Variants in HYDIN observed in about 807,000 individuals in gnomAD.
The protein encoded by HYDIN is HYDIN axonemal central pair apparatus protein.
Under a neutral mutation model 403.9 loss-of-function variants are expected in HYDIN, and 132 were observed. The observed-to-expected ratio is 0.33, with a 90% CI of 0.28 to 0.38. The LOEUF is 0.38. Ranked by LOEUF, HYDIN falls within the 10% of genes least tolerant of loss-of-function variation. The probability of loss-of-function intolerance (pLI) is 1.00; values close to 1 mark genes in which losing one functional copy is unlikely to be tolerated. For missense variants in HYDIN, 2,827 were observed against 5,009.5 expected (o/e 0.56, Z 13.15); for synonymous variants, 1,202 against 1,891.7 (o/e 0.64, Z 9.46).
At chr16:70,944,016 C>T in intron 41 of HYDIN, 67 bp from the exon 42 acceptor site, 1 of 1,180,176 alleles carries the variant, frequency 8.5e-7, no homozygotes, top group Non-Finnish European at 1.2e-6. Context: ...CTACACTTAC[C>T]AGCCACAGGA....
intron 1 of HYDIN, among the ~76,000 whole-genome samples, chr16:71,210,633 C>A (rs765923831): frequency 6.6e-6 from 1 of 151,974 alleles, no homozygotes; most frequent in Non-Finnish European, 1.5e-5. Context: ...TAACAAGCCA[C>A]ACATGTACCC....
intron 18 of HYDIN, among the ~76,000 whole-genome samples, chr16:71,033,571 C>G (rs1179737148): frequency 6.6e-6 from 1 of 150,488 alleles, no homozygotes; most frequent in Non-Finnish European, 1.5e-5. Context: ...TAAGTGGGAG[C>G]TGAACAATGA....
intron 5 of HYDIN, among the ~76,000 whole-genome samples, chr16:71,171,997 T>G (rs906410484): frequency 6.6e-5 from 10 of 152,208 alleles, no homozygotes; most frequent in South Asian, 2.1e-4. Flanking sequence ...AACAAAATCC[T>G]GATCATTATT....
intron 18 of HYDIN, among the ~76,000 whole-genome samples, chr16:71,056,486 G>A (rs1196111158): frequency 6.6e-5 from 10 of 151,978 alleles, no homozygotes; most frequent in African/African-American, 2.4e-4. Flanking sequence ...ATATCACTAT[G>A]GAGGTAGGCT....
chr16:70,839,675 G>C (rs2037682233), intron 76 of HYDIN, among the ~76,000 whole-genome samples: 1 of 152,150 alleles, frequency 6.6e-6, no homozygotes, highest in Admixed American at 6.5e-5. Context: ...CCGAGAGGCT[G>C]GATTTGAATC....
intron 23 of HYDIN, among the ~76,000 whole-genome samples, chr16:70,994,437 T>C (rs1597491625): frequency 6.6e-6 from 1 of 152,316 alleles, no homozygotes; most frequent in East Asian, 1.9e-4. Flanking sequence ...TCACAGAGTA[T>C]GGAAAAGCGC....
At chr16:71,064,927 C>T in intron 15 of HYDIN, 87 bp from the exon 16 acceptor site, 1 of 1,458,912 alleles carries the variant, frequency 6.9e-7, no homozygotes, top group Non-Finnish European at 9.3e-7. Flanking sequence ...ATACATTTGT[C>T]AGTGTCACAT....
At chr16:71,134,350 A>G (rs1051472045) in intron 8 of HYDIN, among the ~76,000 whole-genome samples, 1 of 152,104 alleles carries the variant, frequency 6.6e-6, no homozygotes, top group Non-Finnish European at 1.5e-5. Flanking sequence ...CAGAAGTTAA[A>G]TCTTTTAACT....
rs935713292 is a variant in HYDIN at position 70,806,485 on chromosome 16, C to T, written c.*1095G>A. Among the ~76,000 whole-genome samples the T allele has an allele frequency of 1.3e-5, 2 of 152,190 alleles. No homozygotes were observed. The highest frequency in any genetic ancestry group is 2.9e-5 in the Non-Finnish European group (2 of 68,044). On this transcript the variant is annotated 3_prime_UTR_variant, in exon 86 of 86. Coordinates refer to ENST00000393567, the MANE Select transcript of HYDIN (RefSeq NM_001270974.2). ...TTGCTAAAAGATTGCCGGGCCACAC[C>T]TACAGACTTTTTGATTCAGTCGATC...
chr16:70,953,521 C>T (rs1366997700), intron 40 of HYDIN, among the ~76,000 whole-genome samples: 4 of 152,166 alleles, frequency 2.6e-5, no homozygotes, highest in African/African-American at 9.7e-5. Context: ...CTGACAGTCC[C>T]TGTGGCCCTG....
intron 67 of HYDIN, chr16:70,865,208 C>T (rs2039675337): frequency 2.6e-6 from 1 of 377,486 alleles, no homozygotes. Context: ...CCCCCATTCT[C>T]ACTTCTTTCA....
chr16:71,224,530 C>A (rs1024997954), intron 1 of HYDIN, among the ~76,000 whole-genome samples: 4 of 147,954 alleles, frequency 2.7e-5, no homozygotes, highest in African/African-American at 9.9e-5. Flanking sequence ...AAATTAAACT[C>A]TGTTAAATTT....
intron 1 of HYDIN, among the ~76,000 whole-genome samples, chr16:71,194,043 A>G (rs2087569023): frequency 1.3e-5 from 2 of 152,250 alleles, no homozygotes; most frequent in Admixed American, 6.5e-5. Flanking sequence ...CATGCGTTAC[A>G]GTAGCCCAGA....
intron 1 of HYDIN, among the ~76,000 whole-genome samples, chr16:71,224,549 TA>T (rs1412786676): frequency 5.3e-5 from 8 of 150,856 alleles, no homozygotes; most frequent in African/African-American, 1.7e-4. Flanking sequence ...TTAATTTGGC[TA>T]AGGTTTTTCT....
chr16:70,947,611 A>T (rs1467884470), intron 41 of HYDIN, among the ~76,000 whole-genome samples: 1 of 151,798 alleles, frequency 6.6e-6, no homozygotes, highest in Non-Finnish European at 1.5e-5. Context: ...TTTCAGAAGG[A>T]ATGGTACCAG....
chr16:71,165,672 T>G (rs2086189753), intron 5 of HYDIN, among the ~76,000 whole-genome samples: 1 of 151,924 alleles, frequency 6.6e-6, no homozygotes, highest in South Asian at 2.1e-4. Flanking sequence ...TTGGTAGTGA[T>G]GAGTGACGGG....
In HYDIN at chr16:70,837,735, G is replaced by C. The variant is rs774912661; in HGVS notation, c.13197C>G (p.Leu4399=). The change falls in exon 77 of 86, where the codon CTC becomes CTG. Residue 4399 remains leucine (L), a synonymous_variant. Transcript: ENST00000393567. ...CTTTGATTTCGACTGTTTGTTGTGA[G>C]AGCCCATTGATTTCAAAGGGAATGA... is the stretch of plus-strand genomic sequence containing the variant. The part of the protein sequence containing the change: ...QELIPFEING[L]SQQTVEIKGK... 2 of 1,613,932 alleles carry C rather than the reference G, an allele frequency of 1.2e-6. No homozygotes were observed. The highest frequency in any genetic ancestry group is 4.5e-5 in the East Asian group (2 of 44,888).
At chr16:71,017,288 T>G (rs1243067489) in intron 23 of HYDIN, among the ~76,000 whole-genome samples, 1 of 149,324 alleles carries the variant, frequency 6.7e-6, no homozygotes, top group African/African-American at 2.5e-5. Flanking sequence ...AGGCAGAGGT[T>G]GCAGTGAGCC....
At chr16:71,012,745 A>G (rs1429332044) in intron 23 of HYDIN, among the ~76,000 whole-genome samples, 1 of 151,948 alleles carries the variant, frequency 6.6e-6, no homozygotes, top group Non-Finnish European at 1.5e-5. Context: ...AAGAAAGGTT[A>G]GTGTTCGTGT....
Sources: allele counts gnomAD v4.1 joint callset (sites outside exome capture counted in the v4.1 genomes callset), GRCh38; gene constraint gnomAD v4.1.1; transcripts MANE v1.5; gene names NCBI Gene and HGNC (gene_info 2026-07-23, HGNC 2026-07-21).